PDE4B: variants seen among roughly 807,000 people sequenced by gnomAD.
PDE4B encodes the protein 3',5'-cyclic-AMP phosphodiesterase 4B.
Under a neutral mutation model 82.2 loss-of-function variants are expected in PDE4B, and 20 were observed. The observed-to-expected ratio is 0.24, with a 90% CI of 0.17 to 0.35. The LOEUF (loss-of-function observed/expected upper bound fraction) is 0.35, where lower values mean the gene tolerates loss of function less well. Ranked by LOEUF, PDE4B falls within the 10% of genes least tolerant of loss-of-function variation. The probability of loss-of-function intolerance (pLI) is 1.00; values close to 1 mark genes in which losing one functional copy is unlikely to be tolerated. For synonymous variants in PDE4B, 320 were observed against 318.9 expected (o/e 1.00, Z -0.04); for missense variants, 655 against 907.2 (o/e 0.72, Z 3.57).
chr1:66,004,798 G>A (rs558926898), intron 3 of PDE4B, among the ~76,000 whole-genome samples: 2 of 152,052 alleles, frequency 1.3e-5, no homozygotes, highest in South Asian at 4.2e-4. Flanking sequence ...ATCTAGACAT[G>A]TTTCCTGGCA....
At chr1:66,072,201 G>A (rs1656190055) in intron 3 of PDE4B, among the ~76,000 whole-genome samples, 1 of 152,078 alleles carries the variant, frequency 6.6e-6, no homozygotes, top group Admixed American at 6.6e-5. Flanking sequence ...ATACCATGTA[G>A]GCTGCTTAAG....
At chr1:65,907,695 A>G (rs1056564253) in intron 1 of PDE4B, among the ~76,000 whole-genome samples, 1 of 152,182 alleles carries the variant, frequency 6.6e-6, no homozygotes, top group African/African-American at 2.4e-5. Flanking sequence ...TAAAATTTCC[A>G]AAGAATTAGG....
intron 3 of PDE4B, among the ~76,000 whole-genome samples, chr1:66,174,843 G>A (rs532937923): frequency 2.6e-5 from 4 of 152,202 alleles, no homozygotes; most frequent in African/African-American, 9.6e-5. Context: ...TGATTTACTC[G>A]CAGTTCCACA....
intron 3 of PDE4B, among the ~76,000 whole-genome samples, chr1:65,974,054 C>T (rs1650282570): frequency 6.6e-6 from 1 of 151,968 alleles, no homozygotes; most frequent in African/African-American, 2.4e-5. Context: ...CTCAGGTGGT[C>T]TGCCTGCCTC....
In PDE4B at chr1:65,918,733, G is replaced by A. The variant is rs750866929; in HGVS notation, c.179G>A (p.Ser60Asn). 3.7e-6 allele frequency: 6 copies of A among 1,613,920 alleles called. No individual in the cohort carries two copies. In the African/African-American group the frequency reaches 6.7e-5, roughly 18 times the overall value. The change falls in exon 3 of 17, where the codon AGT becomes AAT. Residue 60 changes from serine (S) to asparagine (N), a missense_variant. Coordinates refer to ENST00000341517, the MANE Select transcript of PDE4B (RefSeq NM_002600.4). Reference protein sequence around the residue: ...LQLPPLSQRQSERARTPEGDG... With the variant: ...LQLPPLSQRQNERARTPEGDG... ...TTACCACCACTGTCTCAAAGACAGA[G>A]TGAAAGGGCAAGGACTCCTGAGGGA...
At chr1:65,946,688 C>T (rs1405515742) in intron 3 of PDE4B, among the ~76,000 whole-genome samples, 4 of 151,934 alleles carry the variant, frequency 2.6e-5, no homozygotes, top group Admixed American at 2.6e-4. Context: ...CTGTATAAAA[C>T]ACATTTTGCT....
Position 66,226,671 on chromosome 1 carries a change from A to G in PDE4B, c.282-20789A>G, listed in dbSNP as rs530267291. Among the ~76,000 whole-genome samples, 10 of 152,382 alleles carry G rather than the reference A, an allele frequency of 6.6e-5. No homozygotes were observed. In the South Asian group the frequency reaches 1.4e-3, roughly 22 times the overall value. On this transcript the variant is annotated intron_variant, in intron 3 of 16. Coordinates refer to ENST00000341517, the MANE Select transcript of PDE4B (RefSeq NM_002600.4). Reference sequence around the variant, plus strand: ...AAATAGAAGCAAGAAGGAAAATTGTATAAAATGAGATCGGAAAGCAGAGAG... The same window carrying G: ...AAATAGAAGCAAGAAGGAAAATTGTGTAAAATGAGATCGGAAAGCAGAGAG...
At chr1:66,099,087 C>T (rs528997338) in intron 3 of PDE4B, among the ~76,000 whole-genome samples, 3 of 152,062 alleles carry the variant, frequency 2.0e-5, no homozygotes, top group Non-Finnish European at 2.9e-5. Context: ...CATAGGTAAA[C>T]GTGTGCTATG....
chr1:65,889,744 G>A (rs1348395497), intron 1 of PDE4B, among the ~76,000 whole-genome samples: 1 of 152,060 alleles, frequency 6.6e-6, no homozygotes, highest in South Asian at 2.1e-4. Flanking sequence ...TAGAACAGAT[G>A]CACTGGCAAT....
chr1:65,831,704 G>A (rs1442199146), intron 1 of PDE4B, among the ~76,000 whole-genome samples: 1 of 151,598 alleles, frequency 6.6e-6, no homozygotes, highest in African/African-American at 2.4e-5. Context: ...AGTCAAAGAT[G>A]CTATAAGAAA....
At chr1:66,002,000 G>C (rs1478005396) in intron 3 of PDE4B, among the ~76,000 whole-genome samples, 1 of 152,120 alleles carries the variant, frequency 6.6e-6, no homozygotes, top group African/African-American at 2.4e-5. Flanking sequence ...TGTGATTACA[G>C]GCATGAGCCA....
At chr1:66,334,812 A>G (rs1205744443) in intron 8 of PDE4B, among the ~76,000 whole-genome samples, 1 of 152,238 alleles carries the variant, frequency 6.6e-6, no homozygotes, top group Non-Finnish European at 1.5e-5. Context: ...CACATATGAT[A>G]TAAGGCAATG....
At chr1:65,795,927 T>G (rs544989750) in intron 1 of PDE4B, among the ~76,000 whole-genome samples, 1 of 152,232 alleles carries the variant, frequency 6.6e-6, no homozygotes. Context: ...TTTAATCCAT[T>G]GGTCTTTTGA....
chr1:66,054,975 T>A (rs1655222713), intron 3 of PDE4B, among the ~76,000 whole-genome samples: 1 of 152,222 alleles, frequency 6.6e-6, no homozygotes, highest in Non-Finnish European at 1.5e-5. Flanking sequence ...ACTAGTGTTG[T>A]CATGGACACC....
intron 3 of PDE4B, among the ~76,000 whole-genome samples, chr1:66,051,997 G>A (rs926604652): frequency 1.9e-5 from 1 of 52,426 alleles, no homozygotes; most frequent in African/African-American, 6.5e-5. Context: ...GGTTCTGTTG[G>A]GTTTACCAAG....
intron 3 of PDE4B, among the ~76,000 whole-genome samples, chr1:66,200,474 G>A (rs1392222673): frequency 1.1e-4 from 16 of 152,036 alleles, no homozygotes; most frequent in African/African-American, 2.9e-4. Flanking sequence ...CTTCCTACGC[G>A]TGAGCATGGA....
intron 8 of PDE4B, among the ~76,000 whole-genome samples, chr1:66,350,673 G>C (rs1379202665): frequency 6.6e-6 from 1 of 152,118 alleles, no homozygotes; most frequent in Non-Finnish European, 1.5e-5. Flanking sequence ...GATCATTCCA[G>C]TTCACTCCTC....
intron 3 of PDE4B, among the ~76,000 whole-genome samples, chr1:66,095,519 A>G (rs1645098235): frequency 6.6e-6 from 1 of 151,960 alleles, no homozygotes; most frequent in Non-Finnish European, 1.5e-5. Flanking sequence ...TTGAACTAAA[A>G]AAGTACTAAG....
In PDE4B at chr1:66,237,874, G is replaced by C. The variant is rs145169228; in HGVS notation, c.282-9586G>C. Among the ~76,000 whole-genome samples, 854 of 152,284 alleles carry C rather than the reference G, an allele frequency of 5.6e-3. 10 individuals are homozygous for C. The highest frequency in any genetic ancestry group is 0.019 in the African/African-American group (800 of 41,564). ...ATAACCTGCAGTATGTCCCAGGAAA[G>C]TGCCAGGCACTAGTTAGTATACCGT... is the stretch of plus-strand genomic sequence containing the variant. On this transcript the variant is annotated intron_variant, in intron 3 of 16. Transcript: ENST00000341517.
Sources: gnomAD v4.1 joint callset for allele counts (sites outside exome capture counted in the v4.1 genomes callset) on GRCh38, gnomAD v4.1.1 for gene constraint, MANE v1.5 for transcripts, NCBI Gene and HGNC (gene_info 2026-07-23, HGNC 2026-07-21) for gene names.